Variants in UBXN7 observed in about 807,000 individuals in gnomAD.
UBXN7 encodes UBX domain protein 7, also known as UBX domain-containing protein 7.
A neutral mutation model predicts 58.0 loss-of-function variants in UBXN7; 9 were observed. That is an observed-to-expected ratio of 0.16 (90% CI 0.09 to 0.27). The LOEUF (loss-of-function observed/expected upper bound fraction) is 0.27. Among genes scored for constraint, UBXN7 ranks in the 10% least tolerant of loss-of-function variants. The pLI is 1.00. For missense variants in UBXN7, 328 were observed against 599.6 expected, an observed-to-expected ratio of 0.55 and a Z score of 4.73; for synonymous variants, 208 against 205.0, an observed-to-expected ratio of 1.01 and a Z score of -0.12.
intron 1 of UBXN7, among the ~76,000 whole-genome samples, chr3:196,418,296 AGGAATGAC>A: frequency 1.1e-5 from 1 of 94,976 alleles, no homozygotes; most frequent in South Asian, 3.9e-4. Flanking sequence ...GAGAGAAGGA[AGGAATGAC>A]GGAATGACGG....
At chr3:196,378,584 C>T (rs1428526737) in intron 5 of UBXN7, among the ~76,000 whole-genome samples, 1 of 152,178 alleles carries the variant, frequency 6.6e-6, no homozygotes, top group Admixed American at 6.6e-5. Context: ...ATGAGTTTTC[C>T]AGGAAAAGGT....
intron 5 of UBXN7, among the ~76,000 whole-genome samples, chr3:196,388,417 T>G (rs1378315272): frequency 6.6e-6 from 1 of 151,980 alleles, no homozygotes; most frequent in Non-Finnish European, 1.5e-5. Flanking sequence ...CTGCATGTTA[T>G]GCGCATGTAC....
In UBXN7 at chr3:196,355,425, T is replaced by G. The variant is rs568068137; in HGVS notation, c.*1260A>C. ...CACCAACTCTAATTTGATTTTGGGT[T>G]TTGTTGGCAGAAAAAGCCCAAGACA... On this transcript the variant is annotated 3_prime_UTR_variant, in exon 11 of 11. Transcript: ENST00000296328. The G allele has an allele frequency of 1.3e-5, 2 of 152,312 alleles. No individual in the cohort carries two copies. The highest frequency in any genetic ancestry group is 4.8e-5 in the African/African-American group (2 of 41,572). 9.4% of individuals were successfully genotyped at this position (152,312 alleles called of 1,614,324 possible). A position where few individuals can be genotyped will look rare whatever the true frequency, so the allele number is the denominator to read the frequency against.
chr3:196,413,789 T>C (rs1455062975), intron 1 of UBXN7, among the ~76,000 whole-genome samples: 1 of 152,178 alleles, frequency 6.6e-6, no homozygotes, highest in African/African-American at 2.4e-5. Flanking sequence ...TGTCCAAGGA[T>C]ACCAAAATTT....
chr3:196,391,624 C>T (rs553131166), intron 5 of UBXN7, among the ~76,000 whole-genome samples, 189 bp downstream of exon 5: 22 of 152,086 alleles, frequency 1.4e-4, no homozygotes, highest in African/African-American at 5.1e-4. Context: ...GCCCTAGCTA[C>T]TCGGGAAGCT....
At chr3:196,371,299 A>G (rs1390073949) in intron 6 of UBXN7, among the ~76,000 whole-genome samples, 1 of 152,232 alleles carries the variant, frequency 6.6e-6, no homozygotes, top group Non-Finnish European at 1.5e-5. Flanking sequence ...TTGAAGACTC[A>G]ACACCAAATA....
chr3:196,427,824 T>C (rs1452949208), intron 1 of UBXN7, among the ~76,000 whole-genome samples: 4 of 152,206 alleles, frequency 2.6e-5, no homozygotes, highest in African/African-American at 9.6e-5. Context: ...TAGCTTTAAA[T>C]GACACAGAAA....
intron 6 of UBXN7, among the ~76,000 whole-genome samples, chr3:196,370,473 AAAAAG>A (rs1318141545): frequency 6.6e-6 from 1 of 151,572 alleles, no homozygotes; most frequent in Non-Finnish European, 1.5e-5. Context: ...AAAAAAAAGA[AAAAAG>A]AAAAGAAAAG....
chr3:196,410,549 C>A (rs929408962), intron 1 of UBXN7, among the ~76,000 whole-genome samples: 1 of 152,166 alleles, frequency 6.6e-6, no homozygotes, highest in African/African-American at 2.4e-5. Context: ...GGCAGCCAGG[C>A]ACGGAGGCTC....
At chr3:196,392,970 A>T (rs1411416334) in intron 4 of UBXN7, among the ~76,000 whole-genome samples, 1 of 152,204 alleles carries the variant, frequency 6.6e-6, no homozygotes. Flanking sequence ...CAATGAACTC[A>T]TTCTAAATAA....
chr3:196,396,700 T>C (rs1365228771), intron 3 of UBXN7, among the ~76,000 whole-genome samples: 2 of 151,972 alleles, frequency 1.3e-5, no homozygotes, highest in East Asian at 1.9e-4. Flanking sequence ...GAGGTGGAGC[T>C]TGCAGTGAGC....
chr3:196,406,759 T>C (rs965949406), intron 2 of UBXN7, among the ~76,000 whole-genome samples: 5 of 152,190 alleles, frequency 3.3e-5, no homozygotes, highest in Admixed American at 2.0e-4. Context: ...TCAAGCATTT[T>C]TCATAGCAAC....
chr3:196,379,882 C>T (rs1014299008), intron 5 of UBXN7, among the ~76,000 whole-genome samples: 8 of 152,142 alleles, frequency 5.3e-5, no homozygotes, highest in Non-Finnish European at 7.4e-5. Context: ...GAAAGGGGTC[C>T]GGATCCAGAT....
rs1018707033 is a variant in UBXN7, at chr3:196,349,351, G to A, written c.*7334C>T. ...TTCACTCTCTCTAGCAGGTGAAAGG[G>A]GATTTTCTGATGGCAACAGTCACTC... On this transcript the variant is annotated 3_prime_UTR_variant, in exon 11 of 11. Transcript: ENST00000296328. 3 of 152,286 alleles carry A rather than the reference G, an allele frequency of 2.0e-5. No homozygotes were observed. Among genetic ancestry groups the A allele is most frequent in the African/African-American group, 7.2e-5 (3 of 41,552 alleles). The allele number at this position is 152,286 out of a possible 1,614,324, so 9.4% of individuals were successfully genotyped here. A position where few individuals can be genotyped will look rare whatever the true frequency, so the allele number is the denominator to read the frequency against.
rs1728296422 is a variant in UBXN7, at chr3:196,354,630, T to C, written c.*2055A>G. 1.3e-5 allele frequency: 2 copies of C among 152,186 alleles called. No homozygotes were observed. The highest frequency in any genetic ancestry group is 6.5e-5 in the Admixed American group (1 of 15,286). The allele number at this position is 152,186 out of a possible 1,614,324, so 9.4% of individuals were successfully genotyped here. On this transcript the variant is annotated 3_prime_UTR_variant, in exon 11 of 11. Coordinates refer to ENST00000296328, the MANE Select transcript of UBXN7 (RefSeq NM_015562.2). ...ACCCTCCAGTGCACCTTTGACAGTA[T>C]ACAGCTCTATTTTTCAAACGGCAAG...
rs772088557 is a variant in UBXN7 at position 196,391,843 on chromosome 3, A to G, written c.438T>C (p.Ile146=). 1.2e-6 allele frequency: 2 copies of G among 1,613,074 alleles called. No homozygotes were observed. Among genetic ancestry groups the G allele is most frequent in the East Asian group, 2.2e-5 (1 of 44,844 alleles). The change falls in exon 5 of 11, where the codon ATT becomes ATC. Residue 146 remains isoleucine (I), a synonymous_variant. Coordinates refer to ENST00000296328, the MANE Select transcript of UBXN7 (RefSeq NM_015562.2). ...TTLADLFRPP[I]DLMHKGSFET... ...CAAAGCTGCCTTTATGCATCAAATC[A>G]ATGGGTGGCCGGAATAGATCTGCAA...
rs920456755 is a variant in UBXN7 at position 196,362,427 on chromosome 3, C to A, written c.1095G>T (p.Pro365=). The change falls in exon 9 of 11, where the codon CCG becomes CCT. Residue 365 remains proline, a synonymous_variant. Transcript: ENST00000296328. ...CAGTTCTGACTGGTGGCTCAGTCAG[C>A]GGCCTTCTATTCTCCTCTTTTCTAT... is the stretch of plus-strand genomic sequence containing the variant. The part of the protein sequence containing the change: ...LGHRKEENRR[P]LTEPPVRTDP... 4 of 1,614,162 alleles carry A rather than the reference C, an allele frequency of 2.5e-6. No homozygotes were observed. The East Asian group carries it at 8.9e-5, about 36-fold the overall frequency.
intron 7 of UBXN7, among the ~76,000 whole-genome samples, chr3:196,368,371 T>C (rs1253779234): frequency 2.0e-5 from 3 of 152,344 alleles, no homozygotes; most frequent in African/African-American, 4.8e-5. Flanking sequence ...AGCATATGCA[T>C]AGATTAAAAA....
intron 1 of UBXN7, chr3:196,414,767 T>C (rs1043985373): frequency 2.0e-5 from 3 of 152,222 alleles, no homozygotes; most frequent in African/African-American, 7.2e-5. Context: ...CTCTCAGACT[T>C]TAAAAGCTCA....
Sources: allele counts gnomAD v4.1 joint callset (sites outside exome capture counted in the v4.1 genomes callset), GRCh38; gene constraint gnomAD v4.1.1; transcripts MANE v1.5; gene names NCBI Gene and HGNC (gene_info 2026-07-23, HGNC 2026-07-21).